SND1: variants seen among roughly 807,000 people sequenced by gnomAD.
SND1 encodes the protein staphylococcal nuclease and tudor domain containing 1, also known as staphylococcal nuclease domain-containing protein 1.
In SND1, 38 loss-of-function variants were observed where a neutral mutation model predicts 121.7. That is an observed-to-expected ratio of 0.31 (90% CI 0.24 to 0.41). The LOEUF is 0.41. SND1 is among the 10% of genes least tolerant of loss of function. The probability of loss-of-function intolerance (pLI) is 1.00; values close to 1 mark genes in which losing one functional copy is unlikely to be tolerated. For missense variants in SND1, 868 were observed against 1,184.6 expected (o/e 0.73, Z 3.92); for synonymous variants, 401 against 447.4 (o/e 0.90, Z 1.31).
chr7:127,735,250 A>G (rs1204620746), intron 10 of SND1, among the ~76,000 whole-genome samples: 2 of 151,864 alleles, frequency 1.3e-5, no homozygotes, highest in African/African-American at 2.4e-5. Context: ...TCTCCTTAGT[A>G]TTGAGTGGAC....
intron 11 of SND1, among the ~76,000 whole-genome samples, chr7:127,822,391 T>C (rs1318498486): frequency 6.6e-6 from 1 of 152,214 alleles, no homozygotes; most frequent in Non-Finnish European, 1.5e-5. Flanking sequence ...GCTTGCAACT[T>C]TCCCGTAAAA....
At chr7:128,069,985 G>A (rs1793380620) in intron 16 of SND1, among the ~76,000 whole-genome samples, 1 of 152,236 alleles carries the variant, frequency 6.6e-6, no homozygotes. Context: ...GGGCAAAGGT[G>A]CAGTCCAGGT....
At chr7:127,746,394 A>C (rs1239921909) in intron 10 of SND1, among the ~76,000 whole-genome samples, 1 of 152,194 alleles carries the variant, frequency 6.6e-6, no homozygotes, top group African/African-American at 2.4e-5. Flanking sequence ...ACCCTAGCTC[A>C]TGTGTCCTTA....
At position 128,074,646 on chromosome 7, in the gene SND1, T is replaced by G; in HGVS notation, c.1924T>G (p.Ser642Ala). The G allele has an allele frequency of 6.2e-7, 1 of 1,613,730 alleles. No homozygotes were observed. Among genetic ancestry groups the G allele is most frequent in the Non-Finnish European group, 8.5e-7 (1 of 1,179,924 alleles). The change falls in exon 17 of 24, where the codon TCC becomes GCC. Residue 642 changes from serine (S) to alanine (A), a missense_variant. Ser to Ala is a moderately conservative substitution (Grantham distance 99). This residue lies in a region of SND1 where 743 missense variants were observed against 1,071.3 expected (regional missense o/e 0.69). Coordinates refer to ENST00000354725, the MANE Select transcript of SND1 (RefSeq NM_014390.4). The stretch of plus-strand genomic sequence containing the variant: ...CGCCGAACGCAGCTCCTACTACAAG[T>G]CCCTGCTGTCTGCCGAGGAGGCCGC... ...FTAERSSYYK[S>A]LLSAEEAAKQ...
chr7:128,076,586 G>A (rs942615196), intron 17 of SND1, among the ~76,000 whole-genome samples: 4 of 152,260 alleles, frequency 2.6e-5, no homozygotes, highest in South Asian at 2.1e-4. Flanking sequence ...TCTGGTGGCC[G>A]GCTGGGGGAC....
intron 1 of SND1, among the ~76,000 whole-genome samples, chr7:127,683,244 C>G (rs916428202): frequency 1.3e-5 from 2 of 152,108 alleles, no homozygotes; most frequent in African/African-American, 2.4e-5. Context: ...GAGAGAGAGT[C>G]TTGCTCTGTC....
At chr7:127,746,065 A>G (rs1796975668) in intron 10 of SND1, among the ~76,000 whole-genome samples, 1 of 152,168 alleles carries the variant, frequency 6.6e-6, no homozygotes, top group Admixed American at 6.5e-5. Flanking sequence ...GATTTTTGAC[A>G]ACACAGAACA....
chr7:128,064,659 G>A (rs1010413449), intron 16 of SND1, among the ~76,000 whole-genome samples: 2 of 152,178 alleles, frequency 1.3e-5, no homozygotes, highest in African/African-American at 2.4e-5. Flanking sequence ...CACTAGAGGC[G>A]AAAGTTGAGT....
chr7:127,931,766 C>G (rs1036829201), intron 15 of SND1, among the ~76,000 whole-genome samples: 9 of 152,152 alleles, frequency 5.9e-5, no homozygotes, highest in Admixed American at 1.3e-4. Flanking sequence ...ACCTAAGGCT[C>G]TTAAGAATGA....
chr7:127,726,833 A>T (rs1181874279), intron 10 of SND1, among the ~76,000 whole-genome samples: 1 of 152,210 alleles, frequency 6.6e-6, no homozygotes, highest in East Asian at 1.9e-4. Flanking sequence ...CCCCAGGTGT[A>T]TAAAATTTGC....
intron 1 of SND1, among the ~76,000 whole-genome samples, chr7:127,680,480 C>T (rs1795700723): frequency 6.6e-6 from 1 of 151,990 alleles, no homozygotes; most frequent in African/African-American, 2.4e-5. Flanking sequence ...ATTTTAGATG[C>T]CCACCCTCAG....
intron 10 of SND1, among the ~76,000 whole-genome samples, chr7:127,779,959 T>C (rs1797689382): frequency 6.6e-6 from 1 of 152,242 alleles, no homozygotes; most frequent in Non-Finnish European, 1.5e-5. Context: ...TGTCTTGTTT[T>C]ATGGCGTTGT....
intron 10 of SND1, among the ~76,000 whole-genome samples, chr7:127,756,441 T>A (rs1228039685): frequency 6.6e-6 from 1 of 152,234 alleles, no homozygotes. Flanking sequence ...TTTGTGTAAT[T>A]AAAATGATCA....
At chr7:128,047,213 T>C (rs1201299441) in intron 16 of SND1, among the ~76,000 whole-genome samples, 4 of 152,190 alleles carry the variant, frequency 2.6e-5, no homozygotes, top group Non-Finnish European at 4.4e-5. Flanking sequence ...GAAAAAAGGA[T>C]GGGCACCTGC....
intron 10 of SND1, among the ~76,000 whole-genome samples, chr7:127,731,895 C>T (rs1408111942): frequency 6.6e-6 from 1 of 152,192 alleles, no homozygotes; most frequent in African/African-American, 2.4e-5. Flanking sequence ...AAACTGGAAA[C>T]TCAGTGTGAT....
At chr7:127,938,692 T>C (rs1001626211) in intron 15 of SND1, among the ~76,000 whole-genome samples, 1 of 152,208 alleles carries the variant, frequency 6.6e-6, no homozygotes, top group African/African-American at 2.4e-5. Flanking sequence ...TGTGTAAATC[T>C]CCCTCTTAGC....
rs1405867037 is a variant in SND1 at position 127,686,751 on chromosome 7, A to C, written c.217A>C (p.Thr73Pro). ...CGCCACACAACCTGATGCAAAGGAT[A>C]CCCCTGATGAGGTAGGTGTTTCCTG... is the stretch of plus-strand genomic sequence containing the variant. Reference protein sequence around the residue: ...AAATQPDAKDTPDEPWAFPAR... With the variant: ...AAATQPDAKDPPDEPWAFPAR... Residue 73 changes from threonine (T) to proline (P), a missense_variant, in exon 2 of 24, where the codon ACC (threonine) becomes CCC (proline). Thr to Pro is a conservative substitution (Grantham distance 38, BLOSUM62 -1). Coordinates refer to ENST00000354725, the MANE Select transcript of SND1 (RefSeq NM_014390.4). 6.2e-6 allele frequency: 10 copies of C among 1,613,400 alleles called. No individual in the cohort carries two copies.
At chr7:127,798,709 A>G (rs543331202) in intron 10 of SND1, among the ~76,000 whole-genome samples, 44 of 152,168 alleles carry the variant, frequency 2.9e-4, no homozygotes, top group Non-Finnish European at 5.7e-4. Context: ...TGCCTAAAAT[A>G]TAGACATTTT....
chr7:128,079,948 A>G (rs1279055495), intron 17 of SND1, among the ~76,000 whole-genome samples: 1 of 152,208 alleles, frequency 6.6e-6, no homozygotes, highest in Non-Finnish European at 1.5e-5. Context: ...GAAGAGCTGT[A>G]GTGCCAGGCT....
Sources: allele counts gnomAD v4.1 joint callset (sites outside exome capture counted in the v4.1 genomes callset), GRCh38; gene constraint gnomAD v4.1.1; regional missense constraint gnomAD v4.1.1; transcripts MANE v1.5; gene names NCBI Gene and HGNC (gene_info 2026-07-23, HGNC 2026-07-21).